Variants in PAK6 observed in about 807,000 individuals in gnomAD.
The protein encoded by PAK6 is serine/threonine-protein kinase PAK 6.
In PAK6, 33 loss-of-function variants were observed where a neutral mutation model predicts 60.8. The ratio of observed to expected loss-of-function variants is 0.54; its 90% CI spans 0.41 to 0.73. PAK6 has a LOEUF of 0.73. Among genes scored for constraint, PAK6 ranks in the 30% least tolerant of loss-of-function variants. The pLI is 0.00. For synonymous variants in PAK6, 404 were observed against 378.5 expected, an observed-to-expected ratio of 1.07 and a Z score of -0.78; for missense variants, 845 against 904.1, an observed-to-expected ratio of 0.93 and a Z score of 0.84.
intron 3 of PAK6, chr15:40,260,435 A>C (rs1357563884): frequency 6.6e-6 from 1 of 152,028 alleles, no homozygotes; most frequent in Non-Finnish European, 1.5e-5. Context: ...CTATTTTTGG[A>C]TTCTCTCTTC....
chr15:40,256,325 C>T (rs1398976130), intron 3 of PAK6, among the ~76,000 whole-genome samples: 2 of 152,138 alleles, frequency 1.3e-5, no homozygotes, highest in Non-Finnish European at 2.9e-5. Flanking sequence ...GTCTTCTGTT[C>T]GCGGTAATTC....
intron 5 of PAK6, among the ~76,000 whole-genome samples, chr15:40,270,656 G>A (rs1294198280): frequency 1.3e-5 from 2 of 152,238 alleles, no homozygotes; most frequent in East Asian, 1.9e-4. Context: ...AGGTGCTGGC[G>A]AGGACATGGG....
intron 3 of PAK6, among the ~76,000 whole-genome samples, chr15:40,253,847 G>T (rs2038759761): frequency 6.6e-6 from 1 of 152,186 alleles, no homozygotes; most frequent in South Asian, 2.1e-4. Flanking sequence ...GAGCTCCCAG[G>T]GTGTAGGTTG....
At chr15:40,274,628 T>A (rs1187952253) in intron 10 of PAK6, among the ~76,000 whole-genome samples, 1 of 152,162 alleles carries the variant, frequency 6.6e-6, no homozygotes, top group Admixed American at 6.5e-5. Flanking sequence ...CGGAGAAGCT[T>A]CACTGAGCAC....
chr15:40,266,197 G>T, exon 5 of PAK6: 1 of 1,609,604 alleles, frequency 6.2e-7, no homozygotes, highest in African/African-American at 1.3e-5. Context: ...GAGTTTCAGG[G>T]TGCCTCGCAG....
intron 2 of PAK6, among the ~76,000 whole-genome samples, chr15:40,248,668 C>T (rs2038565281): frequency 6.6e-6 from 1 of 152,256 alleles, no homozygotes; most frequent in Non-Finnish European, 1.5e-5. Context: ...CTGCCCCTCA[C>T]ACCCAGTGCC....
At chr15:40,249,713 T>C (rs1268272368) in intron 2 of PAK6, among the ~76,000 whole-genome samples, 1 of 152,274 alleles carries the variant, frequency 6.6e-6, no homozygotes, top group African/African-American at 2.4e-5. Flanking sequence ...ATCTTTCCTC[T>C]TTGGCCCTAG....
At chr15:40,257,301 G>A (rs1293373890) in intron 3 of PAK6, among the ~76,000 whole-genome samples, 6 of 152,232 alleles carry the variant, frequency 3.9e-5, no homozygotes, top group African/African-American at 9.6e-5. Flanking sequence ...TGACCCCTCC[G>A]GGTGGCTGCA....
intron 2 of PAK6, chr15:40,252,711 C>G (rs1390950064): frequency 7.7e-7 from 1 of 1,303,946 alleles, no homozygotes; most frequent in Non-Finnish European, 1.0e-6. Flanking sequence ...CCGGCTGCCC[C>G]GGAGGTTCGC....
intron 5 of PAK6, among the ~76,000 whole-genome samples, chr15:40,270,194 C>T (rs1402634612): frequency 6.6e-6 from 1 of 152,182 alleles, no homozygotes; most frequent in East Asian, 1.9e-4. Flanking sequence ...CCTGTCCCTG[C>T]CTGGTGACGT....
At chr15:40,275,284 T>TC (rs71132158) in intron 10 of PAK6, among the ~76,000 whole-genome samples, 25 of 100,136 alleles carry the variant, frequency 2.5e-4, no homozygotes, top group East Asian at 5.4e-4. Context: ...TTGTTGGTTT[T>TC]TTTTTTTTTT....
chr15:40,264,574 T>C, intron 3 of PAK6: 1 of 630,380 alleles, frequency 1.6e-6, no homozygotes, highest in South Asian at 1.7e-5. Flanking sequence ...CACTGGCTTA[T>C]TTATGGCACG....
chr15:40,274,732 C>T (rs1209476134), intron 10 of PAK6, among the ~76,000 whole-genome samples: 2 of 152,260 alleles, frequency 1.3e-5, no homozygotes, highest in Admixed American at 6.5e-5. Flanking sequence ...TTGCACACCC[C>T]GACACAGCTA....
exon 6 of PAK6, chr15:40,272,690 A>T: frequency 1.2e-6 from 2 of 1,600,256 alleles, no homozygotes; most frequent in Non-Finnish European, 1.7e-6. Context: ...GACCTCAGGA[A>T]GCAGCAGCGC....
At position 40,266,505 on chromosome 15, in the gene PAK6, G is replaced by A; in HGVS notation, c.858+10G>A. The A allele has an allele frequency of 6.3e-7, 1 of 1,584,970 alleles. No individual in the cohort carries two copies. Among genetic ancestry groups the A allele is most frequent in the Non-Finnish European group, 8.6e-7 (1 of 1,165,672 alleles). On this transcript the variant is annotated intron_variant, in intron 5 of 10. Transcript: ENST00000560346. Reference sequence around the variant, plus strand: ...TCCACCACAGAGCAAGGTAAGTCAGGAGCCTGGCCTGCAGGTGTCCACTGG... The same window carrying A: ...TCCACCACAGAGCAAGGTAAGTCAGAAGCCTGGCCTGCAGGTGTCCACTGG...
At chr15:40,266,146 C>A (rs767281349) in exon 5 of PAK6, 13 of 1,609,452 alleles carry the variant, frequency 8.1e-6, no homozygotes, top group Non-Finnish European at 1.1e-5. Context: ...CGGGTCCTGC[C>A]CAATGGGCTG....
At position 40,266,225 on chromosome 15, in the gene PAK6, T is replaced by C. The variant is rs371452582; in HGVS notation, c.588T>C (p.Gly196=). The C allele has an allele frequency of 7.1e-5, 115 of 1,609,916 alleles. 1 individual carries two copies. The East Asian group carries it at 9.4e-4, about 13-fold the overall frequency. The change falls in exon 5 of 11, where the codon GGT becomes GGC. Residue 196 remains glycine, a synonymous_variant. Transcript: ENST00000560346. ...CCTCGCAGCGCTGTCTGCAGCTGGG[T>C]GCCTGCCTGCAGAGCTCCCCACCAG...
chr15:40,272,196 G>A lies in PAK6; in HGVS notation c.859-28G>A, dbSNP rs376945587. 5 of 1,590,074 alleles carry A rather than the reference G, an allele frequency of 3.1e-6. No individual in the cohort carries two copies. In the African/African-American group the frequency reaches 5.4e-5, roughly 17 times the overall value. On this transcript the variant is annotated intron_variant, in intron 5 of 10. Coordinates refer to ENST00000560346, the Ensembl canonical transcript of PAK6. The stretch of plus-strand genomic sequence containing the variant: ...TTATTCCAAATGCTCCCACAGCCCT[G>A]ACCCTTCCTGTTGCTTTGTCCCTGC...
exon 4 of PAK6, chr15:40,264,965 A>G: frequency 6.2e-7 from 1 of 1,613,418 alleles, no homozygotes; most frequent in African/African-American, 1.3e-5. Context: ...CGCGAATCAC[A>G]CGGGTGCAGC....
Sources: gnomAD v4.1 joint callset for allele counts (sites outside exome capture counted in the v4.1 genomes callset) on GRCh38, gnomAD v4.1.1 for gene constraint, MANE v1.5 for transcripts, NCBI Gene and HGNC (gene_info 2026-07-23, HGNC 2026-07-21) for gene names.